The following EBF4 variants were observed in gnomAD, a reference collection of about 807,000 sequenced individuals.
EBF4 encodes transcription factor COE4.
In EBF4, 34 loss-of-function variants were observed where a neutral mutation model predicts 67.1. The ratio of observed to expected loss-of-function variants is 0.51; its 90% CI spans 0.39 to 0.67. EBF4 has a LOEUF of 0.67. Among genes scored for constraint, EBF4 ranks in the 30% least tolerant of loss-of-function variants. The probability of loss-of-function intolerance (pLI) is 0.00; values close to 1 mark genes in which losing one functional copy is unlikely to be tolerated. For synonymous variants in EBF4, 387 were observed against 377.7 expected (o/e 1.02, Z -0.29); for missense variants, 837 against 873.3 (o/e 0.96, Z 0.52).
intron 6 of EBF4, among the ~76,000 whole-genome samples, chr20:2,730,442 A>G (rs1263467009): frequency 1.3e-5 from 2 of 152,156 alleles, no homozygotes; most frequent in Non-Finnish European, 2.9e-5. Context: ...GATAATCCAA[A>G]TTGATTTCAT....
intron 6 of EBF4, among the ~76,000 whole-genome samples, chr20:2,738,712 A>G (rs935198396): frequency 1.3e-5 from 2 of 152,086 alleles, no homozygotes; most frequent in Non-Finnish European, 2.9e-5. Flanking sequence ...CTCAGGCCCC[A>G]TGCCCAGCCC....
chr20:2,708,739 G>C (rs1408193083), intron 5 of EBF4, among the ~76,000 whole-genome samples: 2 of 152,086 alleles, frequency 1.3e-5, no homozygotes, highest in Non-Finnish European at 2.9e-5. Flanking sequence ...AATAAATAAA[G>C]TAAAATAAAT....
intron 6 of EBF4, among the ~76,000 whole-genome samples, chr20:2,712,396 T>G (rs1046514575): frequency 1.3e-5 from 2 of 152,140 alleles, no homozygotes; most frequent in African/African-American, 4.8e-5. Context: ...GGATTTGTTA[T>G]GGAAGGAGAG....
chr20:2,706,327 G>C (rs1328585946), intron 4 of EBF4, 63 bp downstream of exon 4: 1 of 1,538,456 alleles, frequency 6.5e-7, no homozygotes, highest in African/African-American at 1.4e-5. Flanking sequence ...GCCTCCCCCT[G>C]GTCTGAGTGA....
intron 6 of EBF4, among the ~76,000 whole-genome samples, chr20:2,710,771 C>T (rs2087532112): frequency 6.6e-6 from 1 of 152,152 alleles, no homozygotes; most frequent in African/African-American, 2.4e-5. Context: ...CTGTTGTATC[C>T]TTCCTGAGAT....
rs1490175689 is a variant in EBF4, at chr20:2,710,541, CT to C, written c.557+900del. 1.9e-4 allele frequency among the ~76,000 whole-genome samples: 28 copies of C among 150,048 alleles called. No homozygotes were observed. In the East Asian group the frequency reaches 5.1e-3, roughly 27 times the overall value. ...ATGAAAAGGAAGTCTCCCTCCACCC[CT>C]ATGTAGAGCATACTGTACATGTTTT... On this transcript the variant is annotated intron_variant, in intron 6 of 16. Transcript: ENST00000609451.
chr20:2,745,770 G>C lies in EBF4; in HGVS notation c.558-2779G>C, dbSNP rs895840515. Among the ~76,000 whole-genome samples, 9 of 152,166 alleles carry C rather than the reference G, an allele frequency of 5.9e-5. No homozygotes were observed. The highest frequency in any genetic ancestry group is 2.2e-4 in the African/African-American group (9 of 41,440). Reference sequence around the variant, plus strand: ...CTACTCTCCCTTCATGGGTGTGGAAGGATTTACCTACCCCGGGTCATGCAG... The same window carrying C: ...CTACTCTCCCTTCATGGGTGTGGAACGATTTACCTACCCCGGGTCATGCAG... On this transcript the variant is annotated intron_variant, in intron 6 of 16. Transcript: ENST00000609451. The surrounding 1 kb of genome is among the most constrained non-coding windows in gnomAD (Gnocchi z 5.2).
chr20:2,749,830 C>T lies in EBF4; in HGVS notation c.892-17C>T, dbSNP rs748104561. 2 of 1,546,296 alleles carry T rather than the reference C, an allele frequency of 1.3e-6. No homozygotes were observed. The highest frequency in any genetic ancestry group is 1.2e-5 in the South Asian group (1 of 83,176). On this transcript the variant is annotated splice_polypyrimidine_tract_variant and intron_variant, in intron 9 of 16. Transcript: ENST00000609451. ...TCGCCGGTGCGGGACCTGCAGGCCTCCCCTCTCCCCTCGCAGCTCATCACG... is the reference window on the plus strand; with the variant it reads ...TCGCCGGTGCGGGACCTGCAGGCCTTCCCTCTCCCCTCGCAGCTCATCACG...
At chr20:2,697,921 G>A (rs915873538) in intron 1 of EBF4, among the ~76,000 whole-genome samples, 1 of 152,218 alleles carries the variant, frequency 6.6e-6, no homozygotes, top group Non-Finnish European at 1.5e-5. Context: ...GCAGGGCCCC[G>A]GAGAGGGAGG....
Position 2,751,687 on chromosome 20 carries a change from C to T in EBF4, c.1019-13C>T, listed in dbSNP as rs1417861149. On this transcript the variant is annotated splice_polypyrimidine_tract_variant and intron_variant, in intron 10 of 16. Transcript: ENST00000609451. This position sits in a 1 kb window ranked among gnomAD's most constrained non-coding sequence, Gnocchi z 5.2. ...CGGGGGAGACGTCCTCCAAACGCCG[C>T]CCCCTTCCCCAGCTCTGAACGAGCC... 3.9e-6 allele frequency: 6 copies of T among 1,550,604 alleles called. No homozygotes were observed. Among genetic ancestry groups the T allele is most frequent in the Non-Finnish European group, 4.4e-6 (5 of 1,146,730 alleles).
chr20:2,707,895 C>T lies in EBF4; in HGVS notation c.415-52C>T, dbSNP rs1284634840. 1 of 1,510,676 alleles carries T rather than the reference C, an allele frequency of 6.6e-7. No homozygotes were observed. The highest frequency in any genetic ancestry group is 1.4e-5 in the African/African-American group (1 of 72,588). The allele number at this position is 1,510,676 out of a possible 1,614,324, so 93.6% of individuals were successfully genotyped here. On this transcript the variant is annotated intron_variant, in intron 4 of 16. Coordinates refer to ENST00000609451, the Ensembl canonical transcript of EBF4. This position sits in a 1 kb window ranked among gnomAD's most constrained non-coding sequence, Gnocchi z 4.6. ...CCAGGTCCGTCTGTGCTGCCACCTGCACCTCAGAGGAGCCTCCTTCCCCTC... is the reference window on the plus strand; with the variant it reads ...CCAGGTCCGTCTGTGCTGCCACCTGTACCTCAGAGGAGCCTCCTTCCCCTC...
chr20:2,757,676 G>A (rs765726110), intron 15 of EBF4, among the ~76,000 whole-genome samples: 1 of 152,244 alleles, frequency 6.6e-6, no homozygotes, highest in Non-Finnish European at 1.5e-5. Context: ...GCCAGATGCA[G>A]TGGCTCACAC....
intron 4 of EBF4, among the ~76,000 whole-genome samples, chr20:2,706,943 A>G (rs1433326641): frequency 6.6e-6 from 1 of 152,178 alleles, no homozygotes; most frequent in African/African-American, 2.4e-5. Flanking sequence ...AGCTGGAGGA[A>G]ACTGAAACCT....
At chr20:2,695,778 G>A (rs982631195) in intron 1 of EBF4, among the ~76,000 whole-genome samples, 1 of 152,112 alleles carries the variant, frequency 6.6e-6, no homozygotes, top group African/African-American at 2.4e-5. Flanking sequence ...CCCTGCCTCC[G>A]CCTTCATCAC....
chr20:2,749,538 C>T lies in EBF4; in HGVS notation c.757+20C>T, dbSNP rs1230384853. On this transcript the variant is annotated intron_variant, in intron 8 of 16. Coordinates refer to ENST00000609451, the Ensembl canonical transcript of EBF4. ...CCGAAGGTCAGGACCCCCGGCCCAG[C>T]CCCGGCCGCCGCGGGCCCAGCCAGC... 3.2e-6 allele frequency: 5 copies of T among 1,540,624 alleles called. No individual in the cohort carries two copies. The highest frequency in any genetic ancestry group is 4.4e-6 in the Non-Finnish European group (5 of 1,141,880).
chr20:2,750,197 T>TAGTCCCTTCCCCGGGGCAA (rs1276098739), intron 10 of EBF4, among the ~76,000 whole-genome samples: 4 of 152,042 alleles, frequency 2.6e-5, no homozygotes, highest in Non-Finnish European at 4.4e-5. Context: ...TCTGGCTCCT[T>TAGTCCCTTCCCCGGGGCAA]AGTCCCTTCC....
intron 5 of EBF4, among the ~76,000 whole-genome samples, 152 bp downstream of exon 5, chr20:2,708,172 G>A (rs2087486560): frequency 6.6e-6 from 1 of 152,234 alleles, no homozygotes; most frequent in Admixed American, 6.5e-5. Context: ...AGGGAGTGGT[G>A]AGGCCCCTGG....
chr20:2,732,675 T>C (rs547389926), intron 6 of EBF4, among the ~76,000 whole-genome samples: 14 of 152,208 alleles, frequency 9.2e-5, no homozygotes, highest in Admixed American at 2.0e-4. Flanking sequence ...GATTGTGTTG[T>C]AGTTTTCTTT....
At position 2,705,865 on chromosome 20, in the gene EBF4, G is replaced by A. The variant is rs76384006; in HGVS notation, c.295-109G>A. On this transcript the variant is annotated intron_variant, in intron 2 of 16. Coordinates refer to ENST00000609451, the Ensembl canonical transcript of EBF4. ...GGGACAGATGAATGGATGGAAGCTGGCTGAGTGGCTGGAAGGGTGGGAAAG... is the reference window on the plus strand; with the variant it reads ...GGGACAGATGAATGGATGGAAGCTGACTGAGTGGCTGGAAGGGTGGGAAAG... 3,188 of 1,479,748 alleles carry A rather than the reference G, an allele frequency of 2.2e-3. 62 individuals are homozygous for A. The African/African-American group carries it at 0.039, about 18-fold the overall frequency. The allele number at this position is 1,479,748 out of a possible 1,614,324, so 91.7% of individuals were successfully genotyped here. A position where few individuals can be genotyped will look rare whatever the true frequency, so the allele number is the denominator to read the frequency against.
Sources: allele counts gnomAD v4.1 joint callset (sites outside exome capture counted in the v4.1 genomes callset), GRCh38; gene constraint gnomAD v4.1.1; non-coding constraint Gnocchi (gnomAD v3.1); transcripts MANE v1.5; gene names NCBI Gene and HGNC (gene_info 2026-07-23, HGNC 2026-07-21).